The following SLC2A5 variants were observed in gnomAD, a reference collection of about 807,000 sequenced individuals.
SLC2A5 encodes solute carrier family 2, facilitated glucose transporter member 5.
A neutral mutation model predicts 50.3 loss-of-function variants in SLC2A5; 56 were observed. That is an observed-to-expected ratio of 1.11 (90% CI 0.90 to 1.39). The LOEUF (loss-of-function observed/expected upper bound fraction) is 1.39. Among genes scored for constraint, SLC2A5 ranks in the 40% most tolerant of loss-of-function variants. The probability of loss-of-function intolerance (pLI) is 0.00; values close to 1 mark genes in which losing one functional copy is unlikely to be tolerated. For synonymous variants in SLC2A5, 269 were observed against 281.9 expected, an observed-to-expected ratio of 0.95 and a Z score of 0.46; for missense variants, 566 against 650.1, an observed-to-expected ratio of 0.87 and a Z score of 1.41.
chr1:9,059,547 T>TTTTTTTTTTTTTTTTC (rs1641853445), intron 1 of SLC2A5, among the ~76,000 whole-genome samples: 1 of 113,120 alleles, frequency 8.8e-6, no homozygotes, highest in South Asian at 3.5e-4. Context: ...TTTTTTTTTT[T>TTTTTTTTTTTTTTTTC]TTTTTTTCTG....
Position 9,040,294 on chromosome 1 carries a change from C to G in SLC2A5, c.572-105G>C. 7.3e-7 allele frequency: 1 copy of G among 1,362,226 alleles called. No individual in the cohort carries two copies. The highest frequency in any genetic ancestry group is 9.8e-7 in the Non-Finnish European group (1 of 1,022,196). 84.4% of individuals were successfully genotyped at this position (1,362,226 alleles called of 1,614,324 possible). On this transcript the variant is annotated intron_variant, in intron 5 of 11. Transcript: ENST00000377424. The surrounding 1 kb of genome is among the most constrained non-coding windows in gnomAD (Gnocchi z 4.3). ...CGTCATCCTGAGTGGGGTGCAGGCT[C>G]CAGGAGGGCACAGCTTTCCCAGCCC...
chr1:9,039,594 C>T lies in SLC2A5; in HGVS notation c.954G>A (p.Thr318=). 1 of 1,575,952 alleles carries T rather than the reference C, an allele frequency of 6.3e-7. No individual in the cohort carries two copies. The highest frequency in any genetic ancestry group is 8.6e-7 in the Non-Finnish European group (1 of 1,161,776). Residue 318 remains threonine, a synonymous_variant, in exon 8 of 12, where the codon ACG becomes ACA. Coordinates refer to ENST00000377424, the MANE Select transcript of SLC2A5 (RefSeq NM_003039.3). ...GVPEEHVQYV[T]AGTGAVNVVM... Reference sequence around the variant, plus strand: ...CCACGTTCACGGCCCCGGTGCCGGCCGTCACGTACTGCACGTGCTCCTCCG... The same window carrying T: ...CCACGTTCACGGCCCCGGTGCCGGCTGTCACGTACTGCACGTGCTCCTCCG...
intron 3 of SLC2A5, among the ~76,000 whole-genome samples, chr1:9,051,354 G>A (rs890210012): frequency 6.6e-5 from 10 of 152,120 alleles, no homozygotes; most frequent in Non-Finnish European, 1.3e-4. Flanking sequence ...ACACTGTTAA[G>A]AGGATGAAAA....
upstream of SLC2A5, among the ~76,000 whole-genome samples, chr1:9,090,558 T>C (rs144175485): frequency 0.022 from 3,276 of 152,330 alleles, 108 homozygotes; most frequent in African/African-American, 0.073. Flanking sequence ...CAACTCCGCT[T>C]TTGTTCCTGT....
chr1:9,064,130 G>T lies in SLC2A5; in HGVS notation c.33+5374C>A, dbSNP rs533435705. Reference sequence around the variant, plus strand: ...AGTGTGAGCCACAGTGCCAGCCTGGGCCTGTGTACTTTAGAGGGGTGAAAT... The same window carrying T: ...AGTGTGAGCCACAGTGCCAGCCTGGTCCTGTGTACTTTAGAGGGGTGAAAT... On this transcript the variant is annotated intron_variant, in intron 1 of 11. Transcript: ENST00000377424. Among the ~76,000 whole-genome samples the T allele has an allele frequency of 2.0e-5, 3 of 152,226 alleles. No individual in the cohort carries two copies. The South Asian group carries it at 6.2e-4, about 32-fold the overall frequency.
chr1:9,059,673 G>T (rs1641858041), intron 1 of SLC2A5, among the ~76,000 whole-genome samples: 1 of 151,232 alleles, frequency 6.6e-6, no homozygotes, highest in African/African-American at 2.4e-5. Flanking sequence ...GAGACTACAG[G>T]TGCATGCCAT....
chr1:9,053,393 AT>A, intron 3 of SLC2A5, among the ~76,000 whole-genome samples: 1 of 66,542 alleles, frequency 1.5e-5, no homozygotes, highest in Non-Finnish European at 2.8e-5. Flanking sequence ...ATTTATATAT[AT>A]TATATATTTA....
upstream of SLC2A5, among the ~76,000 whole-genome samples, chr1:9,090,582 C>T (rs780300381): frequency 6.6e-6 from 1 of 152,178 alleles, no homozygotes; most frequent in Non-Finnish European, 1.5e-5. Context: ...TCCTGTTGTC[C>T]CCAACCCCTA....
At chr1:9,083,552 G>A (rs753844468) in intron 2 of SLC2A5, among the ~76,000 whole-genome samples, 16 of 152,216 alleles carry the variant, frequency 1.1e-4, no homozygotes, top group Non-Finnish European at 1.9e-4. Flanking sequence ...GCGGGGTTCG[G>A]TGGCTCATGC....
intron 1 of SLC2A5, among the ~76,000 whole-genome samples, chr1:9,066,523 C>T (rs1477989678): frequency 2.6e-5 from 4 of 152,262 alleles, no homozygotes; most frequent in African/African-American, 9.6e-5. Context: ...GCCAGAGCCA[C>T]TGCACCTGGC....
At chr1:9,049,826 A>G (rs1237458218) in intron 3 of SLC2A5, among the ~76,000 whole-genome samples, 2 of 152,190 alleles carry the variant, frequency 1.3e-5, no homozygotes, top group Non-Finnish European at 2.9e-5. Context: ...GCAATGGAGA[A>G]AAGGCAGTCT....
chr1:9,064,956 G>A (rs1483669968), intron 1 of SLC2A5, among the ~76,000 whole-genome samples: 1 of 151,766 alleles, frequency 6.6e-6, no homozygotes, highest in Non-Finnish European at 1.5e-5. Flanking sequence ...GGGAGGCTGA[G>A]GCAGGAGAAT....
At chr1:9,053,338 A>G (rs1641652467) in intron 3 of SLC2A5, among the ~76,000 whole-genome samples, 1 of 74,746 alleles carries the variant, frequency 1.3e-5, no homozygotes, top group East Asian at 4.0e-4. Flanking sequence ...ATATATTTAT[A>G]TACTATATAT....
At position 9,035,143 on chromosome 1, in the gene SLC2A5, C is replaced by T. The variant is rs769898; in HGVS notation, c.*2443G>A. On this transcript the variant is annotated 3_prime_UTR_variant, in exon 12 of 12. Transcript: ENST00000377424. ...TCACAATGGACATGTGAGACATTTA[C>T]TATTAGTGCCATTTAACAGAAGAGA... is the stretch of plus-strand genomic sequence containing the variant. 0.74 allele frequency: 112,376 copies of T among 152,168 alleles called. 42,112 individuals carry two copies. The highest frequency in any genetic ancestry group is 0.95 in the East Asian group (4,944 of 5,194). 9.4% of individuals were successfully genotyped at this position (152,168 alleles called of 1,614,324 possible). A position where few individuals can be genotyped will look rare whatever the true frequency, so the allele number is the denominator to read the frequency against.
intron 2 of SLC2A5, among the ~76,000 whole-genome samples, chr1:9,078,238 GTCACTTCCA>G (rs1417186411): frequency 1.3e-5 from 2 of 152,150 alleles, no homozygotes; most frequent in Non-Finnish European, 2.9e-5. Context: ...ACAACCAGAG[GTCACTTCCA>G]TCACCATCTT....
rs1557685777 is a variant in SLC2A5 at position 9,081,279 on chromosome 1, ACCCC to A, written c.-59+3731_-59+3734del. Among the ~76,000 whole-genome samples the A allele has an allele frequency of 4.4e-3, 413 of 93,310 alleles. 4 individuals carry two copies. Among genetic ancestry groups the A allele is most frequent in the African/African-American group, 0.019 (385 of 20,806 alleles). 61.2% of individuals were successfully genotyped at this position (93,310 alleles called of 152,430 possible). The stretch of plus-strand genomic sequence containing the variant: ...TGTTTCAGAAAAAAAAAAAAAAAAA[ACCCC>A]AAAAAAAAAAAACACGACCAAAACA... On this transcript the variant is annotated intron_variant, in intron 2 of 5. Transcript: ENST00000464985.
intron 1 of SLC2A5, among the ~76,000 whole-genome samples, chr1:9,064,975 C>T (rs911771401): frequency 6.6e-6 from 1 of 151,388 alleles, no homozygotes; most frequent in African/African-American, 2.4e-5. Context: ...ATTGCTTGAA[C>T]CCGGGAGGTG....
chr1:9,073,909 G>T (rs577216390), upstream of SLC2A5, among the ~76,000 whole-genome samples: 1 of 152,252 alleles, frequency 6.6e-6, no homozygotes, highest in South Asian at 2.1e-4. Flanking sequence ...GTGAAACCCG[G>T]TCTCTATTAA....
intron 3 of SLC2A5, among the ~76,000 whole-genome samples, chr1:9,053,150 T>TTAC (rs1399950214): frequency 3.1e-4 from 21 of 67,924 alleles, no homozygotes; most frequent in East Asian, 1.1e-3. Flanking sequence ...TATGTTAATA[T>TTAC]ATATTTTATA....
Sources: gnomAD v4.1 joint callset for allele counts (sites outside exome capture counted in the v4.1 genomes callset) on GRCh38, gnomAD v4.1.1 for gene constraint, Gnocchi (gnomAD v3.1) non-coding constraint, MANE v1.5 for transcripts, NCBI Gene and HGNC (gene_info 2026-07-23, HGNC 2026-07-21) for gene names.